The following RSPO3 variants were observed in gnomAD, a reference collection of about 807,000 sequenced individuals.
RSPO3 encodes R-spondin-3.
In RSPO3, 17 loss-of-function variants were observed where a neutral mutation model predicts 36.5. The observed-to-expected ratio is 0.47, with a 90% CI of 0.32 to 0.70. The LOEUF (loss-of-function observed/expected upper bound fraction) is 0.70, where lower values mean the gene tolerates loss of function less well. Among genes scored for constraint, RSPO3 ranks in the 30% least tolerant of loss-of-function variants. RSPO3 has a pLI of 0.04. For synonymous variants in RSPO3, 108 were observed against 107.0 expected (o/e 1.01, Z -0.06); for missense variants, 294 against 322.5 (o/e 0.91, Z 0.68).
intron 1 of RSPO3, among the ~76,000 whole-genome samples, chr6:127,134,639 C>T (rs1355318473): frequency 2.0e-5 from 3 of 152,138 alleles, no homozygotes; most frequent in Non-Finnish European, 2.9e-5. Context: ...ATATCAGTTG[C>T]CAAAATTCAG....
intron 1 of RSPO3, among the ~76,000 whole-genome samples, chr6:127,132,652 A>T (rs576082284): frequency 2.0e-5 from 3 of 152,166 alleles, no homozygotes; most frequent in African/African-American, 7.2e-5. Flanking sequence ...ATGATTCAAA[A>T]ACTACTAAAA....
chr6:127,152,798 C>A (rs1378940737), intron 3 of RSPO3, among the ~76,000 whole-genome samples: 1 of 152,066 alleles, frequency 6.6e-6, no homozygotes, highest in East Asian at 1.9e-4. Context: ...AGAACATATT[C>A]TTTTCACTTT....
chr6:127,146,497 A>T (rs1244519171), intron 1 of RSPO3, among the ~76,000 whole-genome samples: 1 of 152,174 alleles, frequency 6.6e-6, no homozygotes, highest in Non-Finnish European at 1.5e-5. Flanking sequence ...CCTAGTTTTT[A>T]AAATAAAATT....
intron 1 of RSPO3, among the ~76,000 whole-genome samples, chr6:127,144,643 G>GTTTTTTTTTTTTTTT (rs56388820): frequency 0.17 from 16,785 of 97,326 alleles, 3,455 homozygotes; most frequent in East Asian, 0.31. Context: ...GCTTCCCCTT[G>GTTTTTTTTTTTTTTT]TTTTTTTTTT....
chr6:127,193,285 C>A (rs1775449027), intron 4 of RSPO3, among the ~76,000 whole-genome samples: 1 of 152,100 alleles, frequency 6.6e-6, no homozygotes, highest in South Asian at 2.1e-4. Context: ...TGCTAATAAG[C>A]AGAAATGCAC....
At chr6:127,163,103 G>A (rs543389859) in intron 4 of RSPO3, among the ~76,000 whole-genome samples, 2 of 152,158 alleles carry the variant, frequency 1.3e-5, no homozygotes, top group African/African-American at 4.8e-5. Context: ...GTTCCCTAGA[G>A]AGAGACTCCG....
chr6:127,159,318 A>G (rs1774659113), intron 4 of RSPO3, among the ~76,000 whole-genome samples: 1 of 152,200 alleles, frequency 6.6e-6, no homozygotes, highest in African/African-American at 2.4e-5. Flanking sequence ...TTTACAAAAA[A>G]GATTCTTATT....
intron 4 of RSPO3, among the ~76,000 whole-genome samples, chr6:127,194,880 G>T (rs1318099983): frequency 6.6e-6 from 1 of 152,134 alleles, no homozygotes; most frequent in African/African-American, 2.4e-5. Flanking sequence ...GCTGGATAGA[G>T]ACTCAACCTG....
intron 4 of RSPO3, among the ~76,000 whole-genome samples, chr6:127,189,800 A>G (rs1274461725): frequency 6.6e-6 from 1 of 152,184 alleles, no homozygotes; most frequent in Non-Finnish European, 1.5e-5. Context: ...TAGAAAAGGC[A>G]ATAGAATTCG....
At chr6:127,145,024 T>C (rs1168164914) in intron 1 of RSPO3, among the ~76,000 whole-genome samples, 2 of 152,142 alleles carry the variant, frequency 1.3e-5, no homozygotes, top group Non-Finnish European at 2.9e-5. Context: ...TAAGCATCAC[T>C]CTCTGGATAT....
intron 1 of RSPO3, among the ~76,000 whole-genome samples, chr6:127,146,851 C>T (rs1489907489): frequency 6.6e-6 from 1 of 152,160 alleles, no homozygotes; most frequent in Non-Finnish European, 1.5e-5. Flanking sequence ...ATTCCAAACA[C>T]ATGGAAATCT....
chr6:127,133,924 T>A (rs181139896), intron 1 of RSPO3, among the ~76,000 whole-genome samples: 1 of 152,182 alleles, frequency 6.6e-6, no homozygotes, highest in Admixed American at 6.5e-5. Context: ...AAGAAAATAT[T>A]AATTCAGATT....
chr6:127,169,515 T>G (rs1478609893), intron 4 of RSPO3, among the ~76,000 whole-genome samples: 1 of 151,892 alleles, frequency 6.6e-6, no homozygotes, highest in African/African-American at 2.4e-5. Flanking sequence ...AATTCTAGAT[T>G]TCTTCCTCTT....
intron 4 of RSPO3, among the ~76,000 whole-genome samples, chr6:127,160,560 G>A (rs995234973): frequency 6.6e-6 from 1 of 152,196 alleles, no homozygotes. Context: ...AGGAAGTTCT[G>A]CAGTCACATT....
chr6:127,169,139 G>A (rs1266226588), intron 4 of RSPO3, among the ~76,000 whole-genome samples: 1 of 151,688 alleles, frequency 6.6e-6, no homozygotes, highest in Non-Finnish European at 1.5e-5. Context: ...CACAATGGTT[G>A]AACTAATTTA....
At chr6:127,170,723 C>T (rs1218960469) in intron 4 of RSPO3, among the ~76,000 whole-genome samples, 5 of 151,588 alleles carry the variant, frequency 3.3e-5, no homozygotes, top group Admixed American at 1.3e-4. Flanking sequence ...TTCTAACTCA[C>T]GCCACAGCAT....
intron 4 of RSPO3, among the ~76,000 whole-genome samples, chr6:127,194,844 T>C (rs1455082141): frequency 1.3e-5 from 2 of 152,192 alleles, no homozygotes; most frequent in Admixed American, 6.5e-5. Context: ...AAATCCAGTA[T>C]ACATGTGATA....
chr6:127,181,422 T>C (rs1775184518), intron 4 of RSPO3, among the ~76,000 whole-genome samples: 1 of 151,940 alleles, frequency 6.6e-6, no homozygotes, highest in African/African-American at 2.4e-5. Context: ...TTTGTGAGGT[T>C]ATTCAGTGAT....
At chr6:127,125,992 A>G (rs1359745363) in intron 1 of RSPO3, among the ~76,000 whole-genome samples, 1 of 152,148 alleles carries the variant, frequency 6.6e-6, no homozygotes, top group Non-Finnish European at 1.5e-5. Context: ...TATATACAGC[A>G]GATAATTTCT....
Sources: gnomAD v4.1 joint callset for allele counts (sites outside exome capture counted in the v4.1 genomes callset) on GRCh38, gnomAD v4.1.1 for gene constraint, MANE v1.5 for transcripts, NCBI Gene and HGNC (gene_info 2026-07-23, HGNC 2026-07-21) for gene names.